Variants in KIFAP3 observed in about 807,000 individuals in gnomAD.
KIFAP3 encodes kinesin-associated protein 3.
Under a neutral mutation model 106.5 loss-of-function variants are expected in KIFAP3, and 68 were observed. That is an observed-to-expected ratio of 0.64 (90% CI 0.53 to 0.78). The LOEUF (loss-of-function observed/expected upper bound fraction) is 0.78, where lower values mean the gene tolerates loss of function less well. Among genes scored for constraint, KIFAP3 ranks in the 30% least tolerant of loss-of-function variants. The pLI, the probability that KIFAP3 is intolerant of heterozygous loss-of-function variation, is 0.00. For synonymous variants in KIFAP3, 320 were observed against 311.5 expected, an observed-to-expected ratio of 1.03 and a Z score of -0.29; for missense variants, 780 against 941.8, an observed-to-expected ratio of 0.83 and a Z score of 2.25.
chr1:169,975,229 T>G (rs919852806), intron 16 of KIFAP3, among the ~76,000 whole-genome samples: 3 of 152,124 alleles, frequency 2.0e-5, no homozygotes, highest in African/African-American at 7.2e-5. Context: ...CAGCATTAGT[T>G]CTCAATTCTT....
chr1:170,074,460 C>G lies in KIFAP3; in HGVS notation c.8G>C (p.Gly3Ala). The change falls in exon 1 of 20, where the codon GGG (glycine) becomes GCG (alanine). Residue 3 changes from glycine (G) to alanine (A), a missense_variant. This residue lies in a region of KIFAP3 where 588 missense variants were observed against 678.9 expected (regional missense o/e 0.87). Coordinates refer to ENST00000361580, the MANE Select transcript of KIFAP3 (RefSeq NM_014970.4). MQ[G>A]EDARYLKRKV... ...CCTTTTGAGGTATCTGGCGTCCTCC[C>G]CTTGCATGGCGGCAGCGGCAGCGGC... 1 of 1,611,704 alleles carries G rather than the reference C, an allele frequency of 6.2e-7. No individual in the cohort carries two copies. The highest frequency in any genetic ancestry group is 8.5e-7 in the Non-Finnish European group (1 of 1,177,870).
At chr1:170,016,719 T>C in intron 9 of KIFAP3, 95 bp from the exon 10 acceptor site, 1 of 688,668 alleles carries the variant, frequency 1.5e-6, no homozygotes, top group African/African-American at 1.9e-5. Context: ...CCCTAATGTA[T>C]ATCTGTTTTA....
intron 1 of KIFAP3, among the ~76,000 whole-genome samples, chr1:170,069,378 T>C (rs1446786460): frequency 6.6e-6 from 1 of 152,094 alleles, no homozygotes; most frequent in East Asian, 1.9e-4. Context: ...ACCATTACCC[T>C]GATACCAAAG....
intron 1 of KIFAP3, among the ~76,000 whole-genome samples, chr1:170,081,809 G>T (rs190145079): frequency 6.6e-6 from 1 of 152,014 alleles, no homozygotes; most frequent in Non-Finnish European, 1.5e-5. Flanking sequence ...TGCCATGTAG[G>T]TAATATATTT....
intron 9 of KIFAP3, among the ~76,000 whole-genome samples, chr1:170,021,687 GC>G (rs1668832799): frequency 6.6e-6 from 1 of 151,706 alleles, no homozygotes; most frequent in Non-Finnish European, 1.5e-5. Context: ...TGATCCACCT[GC>G]CTTAGCCTCC....
intron 1 of KIFAP3, among the ~76,000 whole-genome samples, chr1:170,073,674 A>C (rs1024641839): frequency 4.6e-5 from 7 of 152,016 alleles, no homozygotes; most frequent in Admixed American, 2.6e-4. Context: ...TTTCTATTGG[A>C]TCACTGCTTA....
intron 8 of KIFAP3, 39 bp from the exon 9 acceptor site, chr1:170,024,635 T>C (rs1345553242): frequency 5.9e-6 from 7 of 1,185,186 alleles, no homozygotes; most frequent in Non-Finnish European, 8.1e-6. Flanking sequence ...AGAATTAGTA[T>C]ACTGAATTAA....
intron 17 of KIFAP3, among the ~76,000 whole-genome samples, chr1:169,964,557 G>A (rs997601792): frequency 1.3e-5 from 2 of 152,114 alleles, no homozygotes; most frequent in African/African-American, 4.8e-5. Context: ...GAGTGATATT[G>A]GAAGAAGTAG....
Position 169,982,740 on chromosome 1 carries a change from T to C in KIFAP3, c.1634A>G (p.Tyr545Cys). The C allele has an allele frequency of 6.2e-7, 1 of 1,609,906 alleles. No homozygotes were observed. Among genetic ancestry groups the C allele is most frequent in the Non-Finnish European group, 8.5e-7 (1 of 1,177,768 alleles). ...DLDWELVLKE[Y>C]KLVPYLKDKL... ...ATCCTTGAGGTATGGAACCAACTTA[T>C]ATTCTTTAAGAACCAATTCCCAGTC... The change falls in exon 14 of 20, where the codon TAT (tyrosine) becomes TGT (cysteine). Residue 545 changes from tyrosine (Y) to cysteine (C), a missense_variant. Physicochemically the swap from Tyr to Cys is radical, Grantham distance 194 (BLOSUM62 -2). This residue lies in a region of KIFAP3 where 588 missense variants were observed against 678.9 expected (regional missense o/e 0.87). Transcript: ENST00000361580.
chr1:169,943,446 G>C (rs1664249215), intron 19 of KIFAP3, among the ~76,000 whole-genome samples: 2 of 152,194 alleles, frequency 1.3e-5, no homozygotes, highest in East Asian at 3.9e-4. Flanking sequence ...GAGTTAAGGA[G>C]TAAGCTCAAT....
In KIFAP3 at chr1:170,074,677, G is replaced by A; in HGVS notation, c.-210C>T. The stretch of plus-strand genomic sequence containing the variant: ...TGCCCCAAAACACTGGAGCGGCCCA[G>A]ACCCGCCCAGAGTCGCCTAAGCCGG... On this transcript the variant is annotated 5_prime_UTR_variant, in exon 1 of 20. Coordinates refer to ENST00000361580, the MANE Select transcript of KIFAP3 (RefSeq NM_014970.4). 2 of 1,425,576 alleles carry A rather than the reference G, an allele frequency of 1.4e-6. No homozygotes were observed. Among genetic ancestry groups the A allele is most frequent in the Non-Finnish European group, 1.8e-6 (2 of 1,090,170 alleles). The allele number at this position is 1,425,576 out of a possible 1,614,324, so 88.3% of individuals were successfully genotyped here.
chr1:170,057,593 G>GTT (rs34212266), intron 1 of KIFAP3, among the ~76,000 whole-genome samples: 1,641 of 147,560 alleles, frequency 0.011, 20 homozygotes, highest in African/African-American at 0.03. Flanking sequence ...GACAGCTATA[G>GTT]TTTTTTTTTT....
At position 169,921,925 on chromosome 1, in the gene KIFAP3, T is replaced by A. The variant is rs200173128; in HGVS notation, c.2274-144A>T. Reference sequence around the variant, plus strand: ...GGTGGATATCATTAACTTTTTTTTTTAAGGTTAATAGAGCCATTAAAAGTG... The same window carrying A: ...GGTGGATATCATTAACTTTTTTTTTAAAGGTTAATAGAGCCATTAAAAGTG... On this transcript the variant is annotated intron_variant, in intron 19 of 19. Coordinates refer to ENST00000361580, the MANE Select transcript of KIFAP3 (RefSeq NM_014970.4). 6.9e-3 allele frequency: 3,808 copies of A among 549,978 alleles called. 101 individuals carry two copies. The highest frequency in any genetic ancestry group is 0.067 in the African/African-American group (3,392 of 50,778). 34.1% of individuals were successfully genotyped at this position (549,978 alleles called of 1,614,324 possible). A position where few individuals can be genotyped will look rare whatever the true frequency, so the allele number is the denominator to read the frequency against.
At chr1:169,973,037 A>G (rs1338069587) in intron 16 of KIFAP3, among the ~76,000 whole-genome samples, 1 of 148,584 alleles carries the variant, frequency 6.7e-6, no homozygotes, top group East Asian at 2.0e-4. Context: ...ATGATAAAAC[A>G]TTTTCACATA....
At chr1:169,941,630 T>C (rs566196101) in intron 19 of KIFAP3, among the ~76,000 whole-genome samples, 32 of 152,096 alleles carry the variant, frequency 2.1e-4, no homozygotes, top group Non-Finnish European at 3.4e-4. Context: ...CATATTTCCA[T>C]ATATAAATTT....
chr1:169,930,157 C>A (rs992723482), intron 19 of KIFAP3, among the ~76,000 whole-genome samples: 1 of 152,082 alleles, frequency 6.6e-6, no homozygotes, highest in Non-Finnish European at 1.5e-5. Context: ...GATACTATAT[C>A]ATTGCATTAA....
chr1:169,998,107 C>A (rs2901261), intron 10 of KIFAP3, among the ~76,000 whole-genome samples: 2,683 of 151,432 alleles, frequency 0.018, 77 homozygotes, highest in African/African-American at 0.061. Flanking sequence ...ATTCAGAAAT[C>A]TCTTATCCTT....
rs537407535 is a variant in KIFAP3 at position 170,041,756 on chromosome 1, C to T, written c.320-2468G>A. ...TCCGGTAAGTGTTGCCAAGGGCAAT[C>T]GACATCCCTTTTGCCTTCTCCTGAT... On this transcript the variant is annotated intron_variant, in intron 3 of 19. Coordinates refer to ENST00000361580, the MANE Select transcript of KIFAP3 (RefSeq NM_014970.4). 3.9e-4 allele frequency: 594 copies of T among 1,533,856 alleles called. 6 individuals are homozygous for T. The South Asian group carries it at 4.2e-3, about 11-fold the overall frequency.
chr1:169,953,993 T>C lies in KIFAP3; in HGVS notation c.2273+18A>G, dbSNP rs1464270768. 1.9e-6 allele frequency: 3 copies of C among 1,566,108 alleles called. No homozygotes were observed. ...CAACAGATACTACACATTAGATTTT[T>C]CTTGGAAAACTGTTTACCTGCCAGG... is the stretch of plus-strand genomic sequence containing the variant. On this transcript the variant is annotated intron_variant, in intron 19 of 19. Transcript: ENST00000361580.
Sources: allele counts gnomAD v4.1 joint callset (sites outside exome capture counted in the v4.1 genomes callset), GRCh38; gene constraint gnomAD v4.1.1; regional missense constraint gnomAD v4.1.1; transcripts MANE v1.5; gene names NCBI Gene and HGNC (gene_info 2026-07-23, HGNC 2026-07-21).